SRPK2: variants seen among roughly 807,000 people sequenced by gnomAD.
The protein encoded by SRPK2 is SRSF protein kinase 2, also known as SFRS protein kinase 2.
SRPK2 carries 21 observed loss-of-function variants against 90.8 expected under a neutral mutation model. That is an observed-to-expected ratio of 0.23 (90% confidence interval 0.16 to 0.33). SRPK2 has a LOEUF of 0.33. Ranked by LOEUF, SRPK2 falls within the 10% of genes least tolerant of loss-of-function variation. The pLI is 1.00. For synonymous variants in SRPK2, 288 were observed against 311.1 expected, an observed-to-expected ratio of 0.93 and a Z score of 0.78; for missense variants, 620 against 869.0, an observed-to-expected ratio of 0.71 and a Z score of 3.60.
intron 2 of SRPK2, among the ~76,000 whole-genome samples, chr7:105,244,415 C>CA (rs1158949328): frequency 6.6e-6 from 1 of 152,144 alleles, no homozygotes; most frequent in East Asian, 1.9e-4. Context: ...ACTAAAAATA[C>CA]AAAAATTAGC....
chr7:105,249,697 C>G (rs535008173), intron 2 of SRPK2, among the ~76,000 whole-genome samples: 1 of 152,108 alleles, frequency 6.6e-6, no homozygotes, highest in African/African-American at 2.4e-5. Context: ...TCTTTTCTTG[C>G]TATCATGCTT....
At chr7:105,158,168 C>T (rs1322022606) in intron 7 of SRPK2, among the ~76,000 whole-genome samples, 1 of 152,198 alleles carries the variant, frequency 6.6e-6, no homozygotes. Context: ...TTTCATCTTT[C>T]AACTTACAGA....
chr7:105,289,286 T>TA lies in SRPK2; in HGVS notation c.72-85502dup, dbSNP rs528163048. On this transcript the variant is annotated intron_variant, in intron 2 of 15. Transcript: ENST00000393651. ...AAGACTCTGTCTCAAAAAAAATAAA[T>TA]AAAAAAAAAATAAAAAATAACTTCC... Among the ~76,000 whole-genome samples, 256 of 146,058 alleles carry TA rather than the reference T, an allele frequency of 1.8e-3. 1 individual carries two copies. The highest frequency in any genetic ancestry group is 0.014 in the South Asian group (64 of 4,588).
intron 2 of SRPK2, chr7:105,301,375 G>A (rs956102901): frequency 1.7e-5 from 10 of 593,768 alleles, no homozygotes; most frequent in South Asian, 5.9e-5. Context: ...GGGCACGCAC[G>A]ATTGGCACCT....
At chr7:105,290,021 C>A (rs759482208) in intron 2 of SRPK2, among the ~76,000 whole-genome samples, 4 of 152,042 alleles carry the variant, frequency 2.6e-5, no homozygotes, top group Non-Finnish European at 4.4e-5. Context: ...AGAACACACA[C>A]AGCATGTATC....
At chr7:105,292,226 G>A (rs1241083046) in intron 2 of SRPK2, among the ~76,000 whole-genome samples, 4 of 152,142 alleles carry the variant, frequency 2.6e-5, no homozygotes. Flanking sequence ...AGTAAATTAG[G>A]CTGGGTGTGG....
chr7:105,241,082 G>A (rs1227160522), intron 2 of SRPK2, among the ~76,000 whole-genome samples: 1 of 152,130 alleles, frequency 6.6e-6, no homozygotes, highest in African/African-American at 2.4e-5. Context: ...AGCTTTAAAA[G>A]AGGCTGCATG....
intron 2 of SRPK2, among the ~76,000 whole-genome samples, chr7:105,209,016 T>C (rs951255597): frequency 4.6e-5 from 7 of 152,262 alleles, no homozygotes; most frequent in East Asian, 3.9e-4. Context: ...GCTATAGATA[T>C]TTTAAATATC....
chr7:105,229,132 C>A (rs1326195552), intron 2 of SRPK2, among the ~76,000 whole-genome samples: 1 of 152,100 alleles, frequency 6.6e-6, no homozygotes, highest in Non-Finnish European at 1.5e-5. Context: ...GCACATAAAA[C>A]CACCCAAAAT....
At chr7:105,163,519 G>A (rs527292068) in intron 6 of SRPK2, among the ~76,000 whole-genome samples, 1 of 152,294 alleles carries the variant, frequency 6.6e-6, no homozygotes, top group African/African-American at 2.4e-5. Flanking sequence ...TTGCGGCCGG[G>A]CATGGTGGCT....
At chr7:105,312,646 A>C (rs1054647339) in intron 2 of SRPK2, among the ~76,000 whole-genome samples, 1 of 152,156 alleles carries the variant, frequency 6.6e-6, no homozygotes, top group African/African-American at 2.4e-5. Flanking sequence ...TAAAACCCAA[A>C]CATTCCTGAA....
chr7:105,156,204 A>T (rs1806461849), intron 7 of SRPK2, among the ~76,000 whole-genome samples: 1 of 152,238 alleles, frequency 6.6e-6, no homozygotes, highest in African/African-American at 2.4e-5. Flanking sequence ...TGGTAAACCC[A>T]TGAGCTCTGA....
At chr7:105,300,101 T>C (rs1475120030) in intron 2 of SRPK2, among the ~76,000 whole-genome samples, 1 of 151,720 alleles carries the variant, frequency 6.6e-6, no homozygotes, top group Non-Finnish European at 1.5e-5. Context: ...GGCATCACCA[T>C]GTACAGATAC....
chr7:105,118,770 A>T (rs143600820), intron 15 of SRPK2, among the ~76,000 whole-genome samples: 1 of 151,752 alleles, frequency 6.6e-6, no homozygotes, highest in South Asian at 2.1e-4. Flanking sequence ...AAAGAAAAAA[A>T]GTAGCTGGGC....
chr7:105,256,781 G>A (rs971350521), intron 2 of SRPK2, among the ~76,000 whole-genome samples: 3 of 152,180 alleles, frequency 2.0e-5, no homozygotes, highest in Admixed American at 1.3e-4. Flanking sequence ...CAAGAGAGCC[G>A]ATCAGCACCC....
chr7:105,252,504 A>G (rs1402276150), intron 2 of SRPK2, among the ~76,000 whole-genome samples: 1 of 152,176 alleles, frequency 6.6e-6, no homozygotes, highest in East Asian at 1.9e-4. Flanking sequence ...AATTAGGTAA[A>G]ATTAAAAATT....
intron 7 of SRPK2, among the ~76,000 whole-genome samples, chr7:105,148,175 T>C (rs1348647600): frequency 3.3e-5 from 5 of 152,224 alleles, no homozygotes; most frequent in Admixed American, 3.3e-4. Context: ...TACTATCGTT[T>C]TTTACTTTAT....
chr7:105,218,376 A>G (rs1346504601), intron 2 of SRPK2, among the ~76,000 whole-genome samples: 1 of 152,244 alleles, frequency 6.6e-6, no homozygotes, highest in Non-Finnish European at 1.5e-5. Flanking sequence ...CTTCTGACTC[A>G]GTAGGTCAGG....
chr7:105,245,627 C>T (rs1313122095), intron 2 of SRPK2, among the ~76,000 whole-genome samples: 1 of 151,986 alleles, frequency 6.6e-6, no homozygotes, highest in Non-Finnish European at 1.5e-5. Context: ...GCAAAGAAAC[C>T]GGTAGGATCT....
Sources: gnomAD v4.1 joint callset for allele counts (sites outside exome capture counted in the v4.1 genomes callset) on GRCh38, gnomAD v4.1.1 for gene constraint, MANE v1.5 for transcripts, NCBI Gene and HGNC (gene_info 2026-07-23, HGNC 2026-07-21) for gene names.